Variants in DRC4 observed in about 807,000 individuals in gnomAD.
DRC4 encodes the protein dynein regulatory complex subunit 4.
At chr16:90,040,758 C>T in the DRC4 span, among the ~76,000 whole-genome samples, 3 of 116,826 alleles carry the variant, frequency 2.6e-5, no homozygotes, top group African/African-American at 8.7e-5. Flanking sequence ...TGGTTGGGGC[C>T]AGCACAGAAT....
chr16:90,043,925 G>A, the DRC4 span: 5 of 435,590 alleles, frequency 1.1e-5, no homozygotes, highest in South Asian at 3.4e-5. Context: ...TAACTCCCTC[G>A]GTAGGTGATG....
chr16:90,035,859 C>T, the DRC4 span: 1 of 1,498,674 alleles, frequency 6.7e-7, no homozygotes, highest in Non-Finnish European at 8.9e-7. Flanking sequence ...CACTCAGAAT[C>T]CCAGAACAAC....
At chr16:90,037,855 G>C in the DRC4 span, 166 of 1,612,818 alleles carry the variant, frequency 1.0e-4, no homozygotes, top group African/African-American at 1.8e-3. Flanking sequence ...CAAGGTGAGT[G>C]GCACCACGCT....
chr16:90,042,870 G>A, the DRC4 span: 1 of 504,906 alleles, frequency 2.0e-6, no homozygotes, highest in East Asian at 3.3e-5. Context: ...CAGGGGAAGG[G>A]AGGGCGTGAA....
chr16:90,044,773 C>T, the DRC4 span: 1 of 367,682 alleles, frequency 2.7e-6, no homozygotes, highest in Non-Finnish European at 5.5e-6. Flanking sequence ...TCCTGCAGTT[C>T]CAGAGCAGTC....
chr16:90,031,183 T>G, the DRC4 span: 1 of 1,538,926 alleles, frequency 6.5e-7, no homozygotes. Flanking sequence ...TAGCTGTTTA[T>G]TTTTAGGTGA....
At chr16:90,035,515 G>A in the DRC4 span, 6 of 1,308,282 alleles carry the variant, frequency 4.6e-6, no homozygotes, top group South Asian at 7.2e-5. Flanking sequence ...CTTTAGTTGA[G>A]GGAGGTGAGT....
the DRC4 span, chr16:90,043,629 C>CA: frequency 1.7e-6 from 1 of 578,828 alleles, no homozygotes; most frequent in African/African-American, 1.9e-5. Flanking sequence ...GGCACCTTCT[C>CA]AGAGTGCCCC....
the DRC4 span, among the ~76,000 whole-genome samples, chr16:90,028,529 C>A: frequency 2.6e-5 from 4 of 152,178 alleles, no homozygotes; most frequent in Admixed American, 2.6e-4. Context: ...CAAGGAGTAA[C>A]AGCATCAGGG....
At chr16:90,041,572 G>GGC in the DRC4 span, among the ~76,000 whole-genome samples, 2 of 152,218 alleles carry the variant, frequency 1.3e-5, no homozygotes, top group African/African-American at 4.8e-5. Context: ...TTGGGAGGCT[G>GGC]AGGTGGGCAG....
At chr16:90,037,849 G>T in the DRC4 span, 1 of 1,613,618 alleles carries the variant, frequency 6.2e-7, no homozygotes, top group Non-Finnish European at 8.5e-7. Context: ...ATTCACCAAG[G>T]TGAGTGGCAC....
the DRC4 span, among the ~76,000 whole-genome samples, chr16:90,030,706 C>T: frequency 6.6e-6 from 1 of 152,044 alleles, no homozygotes; most frequent in Admixed American, 6.6e-5. Context: ...AGCCTCAACC[C>T]CCTGAGCTTG....
At chr16:90,033,146 A>G in the DRC4 span, among the ~76,000 whole-genome samples, 3 of 152,230 alleles carry the variant, frequency 2.0e-5, no homozygotes, top group Admixed American at 6.5e-5. Flanking sequence ...TGAGCAAAAA[A>G]TTGACGTCAC....
At chr16:90,031,325 G>A in the DRC4 span, 39 of 1,613,140 alleles carry the variant, frequency 2.4e-5, no homozygotes, top group Non-Finnish European at 3.3e-5. Context: ...GCCGCATCCG[G>A]GAGGAGCTGG....
At chr16:90,030,956 T>C in the DRC4 span, among the ~76,000 whole-genome samples, 1 of 152,218 alleles carries the variant, frequency 6.6e-6, no homozygotes, top group African/African-American at 2.4e-5. Flanking sequence ...TATTTCCTTT[T>C]TGATATTTTT....
At chr16:90,033,812 A>G in the DRC4 span, among the ~76,000 whole-genome samples, 2 of 151,934 alleles carry the variant, frequency 1.3e-5, no homozygotes, top group African/African-American at 4.8e-5. Flanking sequence ...CAGATACAAC[A>G]GAGTATCTGG....
chr16:90,037,097 C>T, the DRC4 span: 6 of 786,206 alleles, frequency 7.6e-6, no homozygotes, highest in South Asian at 1.9e-5. Context: ...ACATAGAAGA[C>T]GTCTAGGTGC....
At chr16:90,034,957 G>T in the DRC4 span, among the ~76,000 whole-genome samples, 4 of 138,136 alleles carry the variant, frequency 2.9e-5, no homozygotes, top group Non-Finnish European at 6.1e-5. Flanking sequence ...AGGCTGGAGT[G>T]CAGTGGCACA....
At chr16:90,036,845 G>C in the DRC4 span, 2 of 616,666 alleles carry the variant, frequency 3.2e-6, no homozygotes, top group Admixed American at 4.8e-5. Context: ...GTTCTGGTTT[G>C]TAAAAGCTCA....
Sources: gnomAD v4.1 joint callset for allele counts (sites outside exome capture counted in the v4.1 genomes callset) on GRCh38, gnomAD v4.1.1 for gene constraint, MANE v1.5 for transcripts, NCBI Gene and HGNC (gene_info 2026-07-23, HGNC 2026-07-21) for gene names.